The following ZNF676 variants were observed in gnomAD, a reference collection of about 807,000 sequenced individuals.
ZNF676 encodes the protein zinc finger protein 676.
A neutral mutation model predicts 6.0 loss-of-function variants in ZNF676; 4 were observed. That is an observed-to-expected ratio of 0.67 (90% CI 0.33 to 1.53). ZNF676 has a LOEUF of 1.53. Among genes scored for constraint, ZNF676 ranks in the 40% most tolerant of loss-of-function variants. ZNF676 has a pLI of 0.06. For synonymous variants in ZNF676, 198 were observed against 223.1 expected (o/e 0.89, Z 1.00); for missense variants, 644 against 679.7 (o/e 0.95, Z 0.58).
the ZNF676 span, among the ~76,000 whole-genome samples, chr19:22,248,254 T>A: frequency 6.6e-6 from 1 of 152,310 alleles, no homozygotes. Flanking sequence ...TTCCTTTGGG[T>A]ATATACCCAG....
At chr19:22,199,608 A>T (rs1164574658), upstream of ZNF676, among the ~76,000 whole-genome samples, 3 of 152,216 alleles carry the variant, frequency 2.0e-5, no homozygotes, top group Non-Finnish European at 4.4e-5. Flanking sequence ...CTATTTGTTT[A>T]TCTGTCATTG....
At chr19:22,198,633 A>G (rs1254149013), upstream of ZNF676, among the ~76,000 whole-genome samples, 2 of 152,208 alleles carry the variant, frequency 1.3e-5, no homozygotes, top group East Asian at 3.9e-4. Context: ...TGTCAGCACC[A>G]CAGGTCTACC....
chr19:22,188,491 G>T (rs2023866417), intron 2 of ZNF676, among the ~76,000 whole-genome samples: 1 of 152,090 alleles, frequency 6.6e-6, no homozygotes, highest in African/African-American at 2.4e-5. Context: ...ATTCAACATA[G>T]TATTGGAAGT....
chr19:22,212,299 A>G (rs1328095617), intron 1 of ZNF676, among the ~76,000 whole-genome samples: 5 of 152,154 alleles, frequency 3.3e-5, no homozygotes, highest in Non-Finnish European at 7.3e-5. Context: ...ATTTTCAACA[A>G]ATGAAATATA....
the ZNF676 span, among the ~76,000 whole-genome samples, chr19:22,235,113 C>CAGGAAGGAAGGAAGGA: frequency 3.6e-4 from 37 of 102,750 alleles, no homozygotes; most frequent in African/African-American, 1.5e-3. Flanking sequence ...GTCAGGAAGG[C>CAGGAAGGAAGGAAGGA]AGGAAGGCAG....
Position 22,180,184 on chromosome 19 carries a change from G to A in ZNF676, c.1533C>T (p.Gly511=). Residue 511 remains glycine (G), a synonymous_variant, in exon 3 of 3, where the codon GGC becomes GGT. Coordinates refer to ENST00000397121, the MANE Select transcript of ZNF676 (RefSeq NM_001001411.3). ...GEKRYKCEEC[G]KAFSWSSILT... is the part of the protein sequence containing the mutation. ...GGATCGAGGACCAGCTGAAGGCTTT[G>A]CCACATTCTTCACATTTGTAGCGTT... 1 of 1,613,366 alleles carries A rather than the reference G, an allele frequency of 6.2e-7. No homozygotes were observed. The highest frequency in any genetic ancestry group is 8.5e-7 in the Non-Finnish European group (1 of 1,179,806).
the ZNF676 span, among the ~76,000 whole-genome samples, chr19:22,260,107 T>C: frequency 7.5e-3 from 1,143 of 152,216 alleles, 1 homozygote; most frequent in African/African-American, 0.025. Context: ...TCCACAGTTC[T>C]GGCCCCAGAC....
At chr19:22,231,285 CAAAG>C in the ZNF676 span, among the ~76,000 whole-genome samples, 2 of 151,246 alleles carry the variant, frequency 1.3e-5, no homozygotes, top group Admixed American at 1.3e-4. Context: ...CAAAACGACA[CAAAG>C]GAAGACACAG....
Position 22,196,847 on chromosome 19 carries a change from A to C in ZNF676, c.-214T>G. On this transcript the variant is annotated 5_prime_UTR_variant, in exon 1 of 3. Coordinates refer to ENST00000397121, the MANE Select transcript of ZNF676 (RefSeq NM_001001411.3). Reference sequence around the variant, plus strand: ...GTTCTGACTTATATGAATGACTGAAATTATTCAATAAAATAGTTTTCAACA... The same window carrying C: ...GTTCTGACTTATATGAATGACTGAACTTATTCAATAAAATAGTTTTCAACA... The C allele has an allele frequency of 1.1e-6, 1 of 921,192 alleles. No homozygotes were observed. Among genetic ancestry groups the C allele is most frequent in the Non-Finnish European group, 1.7e-6 (1 of 598,654 alleles). 57.1% of individuals were successfully genotyped at this position (921,192 alleles called of 1,614,324 possible).
At chr19:22,184,435 T>C (rs558860293) in intron 2 of ZNF676, among the ~76,000 whole-genome samples, 4 of 152,298 alleles carry the variant, frequency 2.6e-5, no homozygotes, top group African/African-American at 9.6e-5. Flanking sequence ...GGAGGCCGTT[T>C]GGGCAGACAC....
intron 2 of ZNF676, among the ~76,000 whole-genome samples, chr19:22,190,572 T>C (rs1318022353): frequency 8.4e-6 from 1 of 119,568 alleles, no homozygotes; most frequent in East Asian, 2.8e-4. Flanking sequence ...AGCTACAGAA[T>C]TAAAACAATC....
chr19:22,209,818 A>G (rs941980127), intron 1 of ZNF676, among the ~76,000 whole-genome samples: 33 of 152,298 alleles, frequency 2.2e-4, no homozygotes, highest in Middle Eastern at 3.4e-3. Context: ...ACAGGATGCT[A>G]CTGCAGATTC....
At chr19:22,249,500 C>T in the ZNF676 span, among the ~76,000 whole-genome samples, 1 of 152,126 alleles carries the variant, frequency 6.6e-6, no homozygotes, top group Non-Finnish European at 1.5e-5. Flanking sequence ...GCAACCTCTG[C>T]CTCCCAGGTT....
At chr19:22,190,381 A>G (rs533031076) in intron 2 of ZNF676, among the ~76,000 whole-genome samples, 2 of 151,524 alleles carry the variant, frequency 1.3e-5, no homozygotes, top group Non-Finnish European at 2.9e-5. Context: ...ATCCTGCTCA[A>G]TGTAATCTAC....
At chr19:22,237,293 C>T in the ZNF676 span, among the ~76,000 whole-genome samples, 2 of 152,306 alleles carry the variant, frequency 1.3e-5, no homozygotes, top group East Asian at 1.9e-4. Context: ...GCTTTTTTAA[C>T]TCCCCAAGCT....
the ZNF676 span, among the ~76,000 whole-genome samples, chr19:22,252,436 G>GA: frequency 1.1e-3 from 156 of 137,150 alleles, no homozygotes; most frequent in African/African-American, 3.2e-3. Flanking sequence ...AGAAAGAAAA[G>GA]AAAAAAAAAA....
intron 1 of ZNF676, among the ~76,000 whole-genome samples, chr19:22,208,518 G>A (rs532544419): frequency 2.0e-5 from 3 of 152,242 alleles, no homozygotes; most frequent in African/African-American, 7.2e-5. Flanking sequence ...ACCTCACAAC[G>A]GGGTTTATAC....
At chr19:22,232,441 C>T in the ZNF676 span, among the ~76,000 whole-genome samples, 1 of 152,172 alleles carries the variant, frequency 6.6e-6, no homozygotes, top group Non-Finnish European at 1.5e-5. Flanking sequence ...GCTGGGAATA[C>T]AGGCATGAGC....
chr19:22,249,985 C>A, the ZNF676 span, among the ~76,000 whole-genome samples: 1 of 151,722 alleles, frequency 6.6e-6, no homozygotes, highest in Non-Finnish European at 1.5e-5. Context: ...GAGTTTGGGA[C>A]CAGCCTGACT....
Sources: gnomAD v4.1 joint callset for allele counts (sites outside exome capture counted in the v4.1 genomes callset) on GRCh38, gnomAD v4.1.1 for gene constraint, MANE v1.5 for transcripts, NCBI Gene and HGNC (gene_info 2026-07-23, HGNC 2026-07-21) for gene names.